The following ADCY2 variants were observed in gnomAD, a reference collection of about 807,000 sequenced individuals.
ADCY2 encodes adenylate cyclase 2, also known as adenylate cyclase type 2.
ADCY2 carries 31 observed loss-of-function variants against 125.2 expected under a neutral mutation model. The observed-to-expected ratio is 0.25, with a 90% CI of 0.19 to 0.33. The LOEUF (loss-of-function observed/expected upper bound fraction) is 0.33. Ranked by LOEUF, ADCY2 falls within the 10% of genes least tolerant of loss-of-function variation. The probability of loss-of-function intolerance (pLI) is 1.00; values close to 1 mark genes in which losing one functional copy is unlikely to be tolerated. For missense variants in ADCY2, 904 were observed against 1,418.2 expected, an observed-to-expected ratio of 0.64 and a Z score of 5.82; for synonymous variants, 512 against 548.4, an observed-to-expected ratio of 0.93 and a Z score of 0.93.
chr5:7,586,726 G>A (rs1297977623), intron 3 of ADCY2, among the ~76,000 whole-genome samples: 1 of 152,098 alleles, frequency 6.6e-6, no homozygotes, highest in Non-Finnish European at 1.5e-5. Flanking sequence ...CCTGCAGCTG[G>A]GTGGCGGTGT....
intron 1 of ADCY2, among the ~76,000 whole-genome samples, chr5:7,399,790 C>T (rs997571107): frequency 3.3e-5 from 5 of 152,282 alleles, no homozygotes; most frequent in Admixed American, 6.5e-5. Flanking sequence ...TGTTGAGTGC[C>T]TACCAAGTGC....
chr5:7,561,550 C>A (rs958617941), intron 3 of ADCY2, among the ~76,000 whole-genome samples: 1 of 135,298 alleles, frequency 7.4e-6, no homozygotes, highest in African/African-American at 3.9e-5. Context: ...AGTGCATGGC[C>A]GTATAAAATG....
chr5:7,782,708 A>T (rs998808529), intron 18 of ADCY2, among the ~76,000 whole-genome samples: 1 of 152,230 alleles, frequency 6.6e-6, no homozygotes, highest in Non-Finnish European at 1.5e-5. Context: ...GCTTCGTAGG[A>T]TGTTAGCTGT....
rs1745080087 is a variant in ADCY2 at position 7,815,479 on chromosome 5, GA to G, written c.2884-1385del. Among the ~76,000 whole-genome samples, 4 of 152,192 alleles carry G rather than the reference GA, an allele frequency of 2.6e-5. No homozygotes were observed. The South Asian group carries it at 8.3e-4, about 32-fold the overall frequency. ...GTGCTCCACCCCACTTTGGTGCACAGAATCGTTAAGTATTGGGGGAGCAGAA... is the reference window on the plus strand; with the variant it reads ...GTGCTCCACCCCACTTTGGTGCACAGATCGTTAAGTATTGGGGGAGCAGAA... On this transcript the variant is annotated intron_variant, in intron 22 of 24. Coordinates refer to ENST00000338316, the MANE Select transcript of ADCY2 (RefSeq NM_020546.3).
chr5:7,613,595 T>C (rs1293104284), intron 3 of ADCY2, among the ~76,000 whole-genome samples: 1 of 152,226 alleles, frequency 6.6e-6, no homozygotes, highest in Non-Finnish European at 1.5e-5. Flanking sequence ...CACTGAGCTT[T>C]GGTGTGCAAA....
At chr5:7,591,291 G>A (rs1213390037) in intron 3 of ADCY2, among the ~76,000 whole-genome samples, 2 of 152,148 alleles carry the variant, frequency 1.3e-5, no homozygotes, top group Non-Finnish European at 2.9e-5. Context: ...CTACTCCTAA[G>A]ATGATACTCT....
intron 15 of ADCY2, among the ~76,000 whole-genome samples, chr5:7,748,161 T>C (rs978727725): frequency 2.0e-5 from 3 of 152,150 alleles, no homozygotes; most frequent in Admixed American, 6.5e-5. Context: ...CCAGCTATTC[T>C]CAGGCAGAGA....
At chr5:7,720,703 A>G (rs1741730877) in intron 12 of ADCY2, among the ~76,000 whole-genome samples, 2 of 152,156 alleles carry the variant, frequency 1.3e-5, no homozygotes, top group South Asian at 4.1e-4. Flanking sequence ...AGCTTCATCC[A>G]TGTCCCTACA....
At chr5:7,821,479 C>T (rs1383606702) in intron 24 of ADCY2, among the ~76,000 whole-genome samples, 3 of 152,230 alleles carry the variant, frequency 2.0e-5, no homozygotes, top group East Asian at 1.9e-4. Context: ...AGGGAGGCTA[C>T]GAAGATGGCA....
intron 2 of ADCY2, among the ~76,000 whole-genome samples, chr5:7,418,866 G>A (rs1740073479): frequency 6.6e-6 from 1 of 151,950 alleles, no homozygotes; most frequent in African/African-American, 2.4e-5. Flanking sequence ...TATTGGTCAG[G>A]CTGGCCTTGA....
chr5:7,603,961 C>T (rs1256937712), intron 3 of ADCY2, among the ~76,000 whole-genome samples: 1 of 66,418 alleles, frequency 1.5e-5, no homozygotes, highest in African/African-American at 6.4e-5. Context: ...TGCTATCCCT[C>T]CCCCCTCCCC....
At chr5:7,489,530 A>G (rs2126485925) in intron 2 of ADCY2, among the ~76,000 whole-genome samples, 1 of 152,180 alleles carries the variant, frequency 6.6e-6, no homozygotes, top group African/African-American at 2.4e-5. Flanking sequence ...GTCTCACAAG[A>G]TCTGATAGTT....
intron 4 of ADCY2, among the ~76,000 whole-genome samples, chr5:7,688,836 C>G (rs934109820): frequency 6.6e-6 from 1 of 152,184 alleles, no homozygotes; most frequent in Non-Finnish European, 1.5e-5. Flanking sequence ...AGGGCAACTT[C>G]TATCTGCTAA....
chr5:7,521,037 C>G (rs983325815), intron 3 of ADCY2, 138 bp downstream of exon 3: 1 of 1,014,216 alleles, frequency 9.9e-7, no homozygotes, highest in Admixed American at 2.4e-5. Flanking sequence ...GACTGACCCC[C>G]TATAACACTG....
At chr5:7,499,526 T>C (rs771599554) in intron 2 of ADCY2, among the ~76,000 whole-genome samples, 4 of 151,738 alleles carry the variant, frequency 2.6e-5, no homozygotes, top group Non-Finnish European at 2.9e-5. Flanking sequence ...AAAAATAAAG[T>C]GAGTTCTTTC....
At chr5:7,602,028 A>C (rs1476522274) in intron 3 of ADCY2, among the ~76,000 whole-genome samples, 1 of 152,156 alleles carries the variant, frequency 6.6e-6, no homozygotes, top group Admixed American at 6.5e-5. Flanking sequence ...TTGTGGCTGC[A>C]TCACTGCAAC....
chr5:7,645,593 A>C (rs1738866543), intron 4 of ADCY2, among the ~76,000 whole-genome samples: 1 of 152,182 alleles, frequency 6.6e-6, no homozygotes, highest in African/African-American at 2.4e-5. Context: ...ACAAATTCCT[A>C]ATCAAATACA....
At chr5:7,634,611 A>G (rs780659872) in intron 4 of ADCY2, among the ~76,000 whole-genome samples, 168 of 152,172 alleles carry the variant, frequency 1.1e-3, no homozygotes, top group Non-Finnish European at 1.2e-3. Context: ...CCCTTTTCAA[A>G]TTGCATAGTA....
chr5:7,781,785 C>G (rs1743929501), intron 18 of ADCY2, among the ~76,000 whole-genome samples: 1 of 152,214 alleles, frequency 6.6e-6, no homozygotes, highest in Non-Finnish European at 1.5e-5. Flanking sequence ...TAATGTACCT[C>G]TCCCTGACTC....
Sources: gnomAD v4.1 joint callset for allele counts (sites outside exome capture counted in the v4.1 genomes callset) on GRCh38, gnomAD v4.1.1 for gene constraint, MANE v1.5 for transcripts, NCBI Gene and HGNC (gene_info 2026-07-23, HGNC 2026-07-21) for gene names.